Variants in TAS2R1 observed in about 807,000 individuals in gnomAD.
TAS2R1 encodes taste 2 receptor member 1.
For synonymous variants in TAS2R1, 141 were observed against 134.2 expected (o/e 1.05, Z -0.35); for missense variants, 370 against 353.4 (o/e 1.05, Z -0.38).
At chr5:9,703,799 G>GAA (rs1741541604) in intron 1 of TAS2R1, among the ~76,000 whole-genome samples, 1 of 152,162 alleles carries the variant, frequency 6.6e-6, no homozygotes, top group Non-Finnish European at 1.5e-5. Context: ...TGGATAAGGA[G>GAA]GCAGGACTGG....
the TAS2R1 span, among the ~76,000 whole-genome samples, chr5:9,768,836 G>C: frequency 2.6e-5 from 4 of 152,144 alleles, no homozygotes; most frequent in Non-Finnish European, 5.9e-5. Flanking sequence ...AAGATATTTT[G>C]ATATAGGCAT....
chr5:9,699,960 G>GT (rs1004958498), intron 1 of TAS2R1, among the ~76,000 whole-genome samples: 71 of 152,068 alleles, frequency 4.7e-4, no homozygotes, highest in African/African-American at 1.6e-3. Context: ...AAGCAAGTCT[G>GT]TTTTTTCCCA....
At chr5:9,661,511 A>T (rs1030000939) in intron 1 of TAS2R1, among the ~76,000 whole-genome samples, 1 of 152,250 alleles carries the variant, frequency 6.6e-6, no homozygotes, top group Non-Finnish European at 1.5e-5. Flanking sequence ...TGAAGGAAAG[A>T]AAAACATAGA....
At chr5:9,764,100 ACAGT>A in the TAS2R1 span, among the ~76,000 whole-genome samples, 2 of 152,386 alleles carry the variant, frequency 1.3e-5, no homozygotes, top group South Asian at 2.1e-4. Flanking sequence ...TGTGTGTTTA[ACAGT>A]CAGACTACAG....
At chr5:9,898,349 A>T in the TAS2R1 span, among the ~76,000 whole-genome samples, 152 of 152,200 alleles carry the variant, frequency 1.0e-3, 1 homozygote, top group Non-Finnish European at 2.5e-4. Context: ...TATCCTCACA[A>T]AGCCTCCTCA....
At chr5:9,844,184 G>T in the TAS2R1 span, among the ~76,000 whole-genome samples, 115 of 152,314 alleles carry the variant, frequency 7.6e-4, no homozygotes, top group African/African-American at 2.5e-3. Flanking sequence ...CAGGAGGGCT[G>T]AGATCATGGA....
intron 1 of TAS2R1, among the ~76,000 whole-genome samples, chr5:9,667,346 C>T (rs1740655339): frequency 6.6e-6 from 1 of 152,158 alleles, no homozygotes. Context: ...TCTACCTCTG[C>T]CTGAATTTGC....
the TAS2R1 span, among the ~76,000 whole-genome samples, chr5:9,820,190 C>T: frequency 6.6e-6 from 1 of 152,138 alleles, no homozygotes; most frequent in African/African-American, 2.4e-5. Context: ...TGATCAGAAA[C>T]TTAAGCACAT....
At chr5:9,668,122 T>C (rs1740676058) in intron 1 of TAS2R1, among the ~76,000 whole-genome samples, 1 of 152,160 alleles carries the variant, frequency 6.6e-6, no homozygotes, top group African/African-American at 2.4e-5. Context: ...AATTTCGTAA[T>C]ATAACACAAA....
the TAS2R1 span, among the ~76,000 whole-genome samples, chr5:9,764,026 C>T: frequency 2.6e-5 from 4 of 152,186 alleles, no homozygotes; most frequent in Non-Finnish European, 4.4e-5. Context: ...ATTGAAATGA[C>T]CTCCTATGCT....
At chr5:9,786,578 T>G in the TAS2R1 span, among the ~76,000 whole-genome samples, 2 of 152,182 alleles carry the variant, frequency 1.3e-5, no homozygotes, top group Non-Finnish European at 2.9e-5. Flanking sequence ...AGTTTAAAAG[T>G]GCTGACACCT....
At chr5:9,787,159 A>C in the TAS2R1 span, among the ~76,000 whole-genome samples, 14 of 152,208 alleles carry the variant, frequency 9.2e-5, no homozygotes, top group Non-Finnish European at 1.9e-4. Flanking sequence ...ATAGACAGTC[A>C]ACAAATGGCT....
the TAS2R1 span, among the ~76,000 whole-genome samples, chr5:9,721,571 T>A: frequency 6.6e-6 from 1 of 152,238 alleles, no homozygotes; most frequent in East Asian, 1.9e-4. Context: ...ATTGCTGGAC[T>A]TTTTTCTCTT....
At chr5:9,788,983 A>T in the TAS2R1 span, among the ~76,000 whole-genome samples, 1 of 152,206 alleles carries the variant, frequency 6.6e-6, no homozygotes, top group Non-Finnish European at 1.5e-5. Flanking sequence ...CCTATGAGCC[A>T]TGAGTCTCCA....
At chr5:9,770,014 C>T in the TAS2R1 span, among the ~76,000 whole-genome samples, 1 of 152,086 alleles carries the variant, frequency 6.6e-6, no homozygotes, top group Non-Finnish European at 1.5e-5. Flanking sequence ...TGGAGAGTTT[C>T]CCCAATGTTT....
chr5:9,648,597 A>G (rs990063612), intron 2 of TAS2R1, among the ~76,000 whole-genome samples: 7 of 152,044 alleles, frequency 4.6e-5, no homozygotes, highest in African/African-American at 1.4e-4. Flanking sequence ...ACTGGGAGAT[A>G]GCAGCAAGGA....
intron 1 of TAS2R1, among the ~76,000 whole-genome samples, chr5:9,686,454 T>C (rs1341061737): frequency 6.6e-6 from 1 of 152,208 alleles, no homozygotes; most frequent in Non-Finnish European, 1.5e-5. Flanking sequence ...TCCTTCTTAG[T>C]GGTCATTCAC....
the TAS2R1 span, among the ~76,000 whole-genome samples, chr5:9,822,345 A>ATT: frequency 2.8e-4 from 31 of 109,756 alleles, no homozygotes; most frequent in South Asian, 3.2e-4. Context: ...TGCATGTGTA[A>ATT]TTTTTTTTTT....
intron 1 of TAS2R1, among the ~76,000 whole-genome samples, chr5:9,682,898 C>G (rs1250939324): frequency 1.3e-5 from 2 of 152,154 alleles, no homozygotes; most frequent in African/African-American, 4.8e-5. Context: ...CAACTTCTTC[C>G]TCTATTGACT....
Sources: gnomAD v4.1 joint callset for allele counts (sites outside exome capture counted in the v4.1 genomes callset) on GRCh38, gnomAD v4.1.1 for gene constraint, MANE v1.5 for transcripts, NCBI Gene and HGNC (gene_info 2026-07-23, HGNC 2026-07-21) for gene names.